ARHGEF17: variants seen among roughly 807,000 people sequenced by gnomAD.
ARHGEF17 encodes Rho guanine nucleotide exchange factor 17, also known as 164 kDa Rho-specific guanine-nucleotide exchange factor.
A neutral mutation model predicts 174.0 loss-of-function variants in ARHGEF17; 80 were observed. That is an observed-to-expected ratio of 0.46 (90% CI 0.38 to 0.55). ARHGEF17 has a LOEUF of 0.55. Ranked by LOEUF, ARHGEF17 falls within the 20% of genes least tolerant of loss-of-function variation. The pLI is 0.00. For missense variants in ARHGEF17, 2,886 were observed against 2,839.7 expected, an observed-to-expected ratio of 1.02 and a Z score of -0.37; for synonymous variants, 1,311 against 1,189.1, an observed-to-expected ratio of 1.10 and a Z score of -2.11.
At chr11:73,353,270 C>G in intron 3 of ARHGEF17, 1 of 547,786 alleles carries the variant, frequency 1.8e-6, no homozygotes, top group South Asian at 2.0e-5. Context: ...TGATCCTGGA[C>G]CCTACCCCGC....
chr11:73,315,113 C>T (rs1192681510), intron 1 of ARHGEF17, among the ~76,000 whole-genome samples: 1 of 152,170 alleles, frequency 6.6e-6, no homozygotes, highest in East Asian at 1.9e-4. Context: ...GTTGGATTCA[C>T]CCTGAATCCT....
Position 73,311,301 on chromosome 11 carries a change from C to T in ARHGEF17, c.2663C>T (p.Ala888Val), listed in dbSNP as rs777784126. The change falls in exon 1 of 21, where the codon GCC (alanine) becomes GTC (valine). Residue 888 changes from alanine to valine, a missense_variant. Ala to Val is a moderately conservative substitution (Grantham distance 64). Coordinates refer to ENST00000263674, the MANE Select transcript of ARHGEF17 (RefSeq NM_014786.4). ...ATRSRAQSERALPEALPPPAT... is the reference protein window; with the variant it reads ...ATRSRAQSERVLPEALPPPAT... ...AGGAGCCGGGCACAGTCTGAAAGGG[C>T]CCTACCTGAGGCTCTGCCTCCCCCT... The T allele has an allele frequency of 3.1e-6, 5 of 1,613,184 alleles. No individual in the cohort carries two copies. The highest frequency in any genetic ancestry group is 1.1e-5 in the South Asian group (1 of 91,082).
intron 9 of ARHGEF17, among the ~76,000 whole-genome samples, chr11:73,359,537 G>A (rs1163791775): frequency 6.6e-6 from 1 of 152,258 alleles, no homozygotes; most frequent in African/African-American, 2.4e-5. Context: ...GCCAGGGCCT[G>A]TGTATCGCAG....
Position 73,357,302 on chromosome 11 carries a change from G to A in ARHGEF17, c.4062G>A (p.Pro1354=), listed in dbSNP as rs535249661. 2.1e-4 allele frequency: 339 copies of A among 1,613,994 alleles called. 2 individuals carry two copies. The South Asian group carries it at 3.4e-3, about 16-fold the overall frequency. The change falls in exon 9 of 21, where the codon CCG becomes CCA. Residue 1354 remains proline, a synonymous_variant. Transcript: ENST00000263674. Reference sequence around the variant, plus strand: ...AGTACAAGATGCTGTGGAAGCTGCCGCTGGAAGACGCAGACATCATCAAAG... The same window carrying A: ...AGTACAAGATGCTGTGGAAGCTGCCACTGGAAGACGCAGACATCATCAAAG... ...ASKYKMLWKL[P]LEDADIIKGA... is the part of the protein sequence containing the mutation.
At chr11:73,311,939 A>G in intron 1 of ARHGEF17, 109 bp downstream of exon 1, 1 of 1,324,714 alleles carries the variant, frequency 7.5e-7, no homozygotes, top group Non-Finnish European at 1.0e-6. Flanking sequence ...CCAGGTGCCA[A>G]GGGTGCTTTT....
chr11:73,350,482 T>C (rs1865535888), intron 2 of ARHGEF17, among the ~76,000 whole-genome samples: 1 of 152,206 alleles, frequency 6.6e-6, no homozygotes, highest in Admixed American at 6.5e-5. Context: ...CCCACTAGTC[T>C]ACACTGCCTA....
At chr11:73,339,878 G>A (rs1223387863) in intron 1 of ARHGEF17, among the ~76,000 whole-genome samples, 1 of 152,094 alleles carries the variant, frequency 6.6e-6, no homozygotes, top group African/African-American at 2.4e-5. Context: ...TTATGGTTGG[G>A]TGTGGGGTAT....
chr11:73,308,665 G>T lies in ARHGEF17; in HGVS notation c.27G>T (p.Gln9His). MADGAPRP[Q>H]LYRSVSFKLL... ...TGGCGGACGGGGCACCCCGGCCCCAGCTTTACCGCAGCGTCTCGTTCAAGC... is the reference window on the plus strand; with the variant it reads ...TGGCGGACGGGGCACCCCGGCCCCATCTTTACCGCAGCGTCTCGTTCAAGC... The change falls in exon 1 of 21, where the codon CAG becomes CAT. Residue 9 changes from glutamine (Q) to histidine (H), a missense_variant. Physicochemically the swap from Gln to His is conservative, Grantham distance 24. Coordinates refer to ENST00000263674, the MANE Select transcript of ARHGEF17 (RefSeq NM_014786.4). The T allele has an allele frequency of 6.6e-7, 1 of 1,516,252 alleles. No homozygotes were observed. Among genetic ancestry groups the T allele is most frequent in the Non-Finnish European group, 8.8e-7 (1 of 1,135,560 alleles). 93.9% of individuals were successfully genotyped at this position (1,516,252 alleles called of 1,614,324 possible).
intron 16 of ARHGEF17, 83 bp from the exon 17 acceptor site, chr11:73,364,089 A>T (rs1376349119): frequency 7.0e-7 from 1 of 1,425,646 alleles, no homozygotes; most frequent in African/African-American, 1.4e-5. Flanking sequence ...AGCCATACCC[A>T]TTCTATCTGT....
In ARHGEF17 at chr11:73,360,384, C is replaced by G. The variant is rs1212306545; in HGVS notation, c.4271C>G (p.Ala1424Gly). The part of the protein sequence containing the change: ...AMHRDLSEKQ[A>G]LCYALSFPPT... ...CACCGGGACCTGTCGGAGAAGCAGG[C>G]GCTGTGCTACGCGCTTTCCTTCCCG... is the stretch of plus-strand genomic sequence containing the variant. Residue 1424 changes from alanine (A) to glycine (G), a missense_variant, in exon 11 of 21, where the codon GCG (alanine) becomes GGG (glycine). Ala to Gly is a moderately conservative substitution (Grantham distance 60). Coordinates refer to ENST00000263674, the MANE Select transcript of ARHGEF17 (RefSeq NM_014786.4). The G allele has an allele frequency of 6.2e-7, 1 of 1,613,926 alleles. No homozygotes were observed. The highest frequency in any genetic ancestry group is 8.5e-7 in the Non-Finnish European group (1 of 1,180,054).
chr11:73,318,468 C>T (rs974942612), intron 1 of ARHGEF17, among the ~76,000 whole-genome samples: 1 of 152,036 alleles, frequency 6.6e-6, no homozygotes, highest in Non-Finnish European at 1.5e-5. Context: ...GAGACCTTGC[C>T]TCTACTAAAA....
Position 73,356,123 on chromosome 11 carries a change from G to T in ARHGEF17, c.3664-52G>T, listed in dbSNP as rs1035620637. On this transcript the variant is annotated intron_variant, in intron 5 of 20. Coordinates refer to ENST00000263674, the MANE Select transcript of ARHGEF17 (RefSeq NM_014786.4). The stretch of plus-strand genomic sequence containing the variant: ...ATAGTCCCTCCTGCTCCAGCAGTCT[G>T]GGGCCCCAGGGGTAGCTAAGCAGTC... 4 of 1,603,552 alleles carry T rather than the reference G, an allele frequency of 2.5e-6. No individual in the cohort carries two copies. In the African/African-American group the frequency reaches 5.4e-5, roughly 21 times the overall value.
In ARHGEF17 at chr11:73,367,210, G is replaced by A. The variant is rs530532211; in HGVS notation, c.5996-374G>A. 2.3e-3 allele frequency among the ~76,000 whole-genome samples: 344 copies of A among 152,312 alleles called. 4 individuals carry two copies. The highest frequency in any genetic ancestry group is 1.9e-3 in the Non-Finnish European group (126 of 68,024). On this transcript the variant is annotated intron_variant, in intron 20 of 20. Coordinates refer to ENST00000263674, the MANE Select transcript of ARHGEF17 (RefSeq NM_014786.4). The stretch of plus-strand genomic sequence containing the variant: ...TTGTCTGGGTTCACAGAAGACTTAA[G>A]CTACCTGGGAAAGGGCTGTTGGAAG...
chr11:73,317,481 A>G (rs1366409628), intron 1 of ARHGEF17, among the ~76,000 whole-genome samples: 1 of 152,216 alleles, frequency 6.6e-6, no homozygotes. Flanking sequence ...TTGGTCCCAC[A>G]GAGTTCCCAC....
chr11:73,331,960 G>A (rs1230125142), intron 1 of ARHGEF17, among the ~76,000 whole-genome samples: 1 of 152,156 alleles, frequency 6.6e-6, no homozygotes, highest in Non-Finnish European at 1.5e-5. Context: ...AAGCAGACAT[G>A]CCCATAGTGA....
At chr11:73,362,013 T>TCAC (rs781472311) in intron 12 of ARHGEF17, 27 bp from the exon 13 acceptor site, 555 of 1,602,948 alleles carry the variant, frequency 3.5e-4, no homozygotes, top group Admixed American at 6.9e-4. Context: ...CCATTCACCT[T>TCAC]CTCCTGTCCA....
chr11:73,363,937 T>A, intron 16 of ARHGEF17, 104 bp downstream of exon 16: 3 of 1,304,650 alleles, frequency 2.3e-6, no homozygotes, highest in Non-Finnish European at 3.2e-6. Flanking sequence ...CTCCTCTGTG[T>A]GGAGGCTGGA....
chr11:73,363,590 AG>A, intron 15 of ARHGEF17, 135 bp downstream of exon 15: 1 of 1,498,184 alleles, frequency 6.7e-7, no homozygotes. Context: ...CAGGGATGTC[AG>A]TGGGTCTGAC....
chr11:73,309,413 C>T lies in ARHGEF17; in HGVS notation c.775C>T (p.Pro259Ser), dbSNP rs574396401. Residue 259 changes from proline to serine, a missense_variant, in exon 1 of 21, where the codon CCG (proline) becomes TCG (serine). Physicochemically the swap from Pro to Ser is moderately conservative, Grantham distance 74. Around this residue, in one of 4 missense-constraint regions of ARHGEF17, gnomAD observed 1,728 missense variants for 1,461.2 expected, o/e 1.18. Coordinates refer to ENST00000263674, the MANE Select transcript of ARHGEF17 (RefSeq NM_014786.4). ...SSSEEEEEGP[P>S]QLPGAQSPAY... is the part of the protein sequence containing the mutation. ...CAGCGAGGAGGAAGAGGAGGGCCCG[C>T]CGCAGCTGCCTGGAGCCCAGAGTCC... 2 of 1,553,554 alleles carry T rather than the reference C, an allele frequency of 1.3e-6. No individual in the cohort carries two copies. Among genetic ancestry groups the T allele is most frequent in the South Asian group, 2.4e-5 (2 of 83,524 alleles).
Sources: gnomAD v4.1 joint callset for allele counts (sites outside exome capture counted in the v4.1 genomes callset) on GRCh38, gnomAD v4.1.1 for gene constraint, gnomAD v4.1.1 regional missense constraint, MANE v1.5 for transcripts, NCBI Gene and HGNC (gene_info 2026-07-23, HGNC 2026-07-21) for gene names.